SEL1L2: variants seen among roughly 807,000 people sequenced by gnomAD.
The protein encoded by SEL1L2 is SEL1L2 adaptor subunit of SYVN1 ubiquitin ligase.
A neutral mutation model predicts 98.8 loss-of-function variants in SEL1L2; 89 were observed. The ratio of observed to expected loss-of-function variants is 0.90; its 90% CI spans 0.76 to 1.07. The LOEUF is 1.07. SEL1L2 is among the 50% of genes least tolerant of loss of function. SEL1L2 has a pLI of 0.00. For synonymous variants in SEL1L2, 262 were observed against 278.5 expected, an observed-to-expected ratio of 0.94 and a Z score of 0.59; for missense variants, 788 against 812.0, an observed-to-expected ratio of 0.97 and a Z score of 0.36.
intron 5 of SEL1L2, among the ~76,000 whole-genome samples, chr20:13,899,013 A>C (rs1286251011): frequency 1.3e-5 from 2 of 152,304 alleles, no homozygotes; most frequent in East Asian, 3.9e-4. Context: ...AAGTGCTGGG[A>C]TTACAGGCAT....
Position 13,905,516 on chromosome 20 carries a change from A to C in SEL1L2, c.549+8266T>G, listed in dbSNP as rs970318275. 3.3e-5 allele frequency among the ~76,000 whole-genome samples: 5 copies of C among 152,030 alleles called. No homozygotes were observed. The East Asian group carries it at 9.7e-4, about 30-fold the overall frequency. On this transcript the variant is annotated intron_variant, in intron 5 of 19. Coordinates refer to ENST00000284951, the MANE Select transcript of SEL1L2 (RefSeq NM_025229.2). ...TTTTTAGTAGAGACAGGGTTTCACC[A>C]TGTTAGCCAGAATGGTCTCGATCTC...
intron 10 of SEL1L2, among the ~76,000 whole-genome samples, chr20:13,883,748 C>T (rs770308697): frequency 6.6e-6 from 1 of 152,246 alleles, no homozygotes; most frequent in African/African-American, 2.4e-5. Context: ...GAAGTACCAA[C>T]TTAGTGGGAT....
intron 12 of SEL1L2, among the ~76,000 whole-genome samples, chr20:13,871,452 G>A (rs369244967): frequency 6.6e-6 from 1 of 151,778 alleles, no homozygotes; most frequent in East Asian, 1.9e-4. Flanking sequence ...TTCTTTCCAT[G>A]TCCTATCACG....
intron 10 of SEL1L2, 47 bp downstream of exon 10, chr20:13,885,300 C>G (rs760539291): frequency 7.8e-7 from 1 of 1,280,878 alleles, no homozygotes; most frequent in South Asian, 1.2e-5. Context: ...GCCTCCCTCA[C>G]CACTACCTTC....
intron 11 of SEL1L2, among the ~76,000 whole-genome samples, chr20:13,877,019 T>A (rs2046464181): frequency 6.6e-6 from 1 of 152,068 alleles, no homozygotes; most frequent in Non-Finnish European, 1.5e-5. Context: ...AGACGGGGGT[T>A]TCACCATGTT....
At chr20:13,863,445 C>A (rs1486222006) in intron 17 of SEL1L2, among the ~76,000 whole-genome samples, 1 of 152,166 alleles carries the variant, frequency 6.6e-6, no homozygotes, top group African/African-American at 2.4e-5. Flanking sequence ...TTCGATTTCA[C>A]AGTCACAGGG....
chr20:13,868,134 A>C (rs1177658489), intron 14 of SEL1L2, among the ~76,000 whole-genome samples: 2 of 151,858 alleles, frequency 1.3e-5, no homozygotes, highest in African/African-American at 4.8e-5. Context: ...ACAGAAGTCA[A>C]CTTTGTACCT....
chr20:13,871,222 T>C (rs76117452), intron 12 of SEL1L2, among the ~76,000 whole-genome samples: 2,553 of 152,302 alleles, frequency 0.017, 80 homozygotes, highest in African/African-American at 0.057. Context: ...TATATTTCTT[T>C]ATTCAAATTT....
At chr20:13,904,323 G>A (rs2047820947) in intron 5 of SEL1L2, among the ~76,000 whole-genome samples, 1 of 152,170 alleles carries the variant, frequency 6.6e-6, no homozygotes, top group East Asian at 1.9e-4. Flanking sequence ...GAGGTCAGGA[G>A]TTTGAGACCA....
At chr20:13,899,326 A>C (rs567534965) in intron 5 of SEL1L2, among the ~76,000 whole-genome samples, 5 of 152,300 alleles carry the variant, frequency 3.3e-5, no homozygotes, top group African/African-American at 9.6e-5. Flanking sequence ...CATTTTGCTA[A>C]TAATTTCAAT....
intron 5 of SEL1L2, among the ~76,000 whole-genome samples, chr20:13,889,961 C>T (rs1171275023): frequency 6.6e-6 from 1 of 152,162 alleles, no homozygotes; most frequent in Non-Finnish European, 1.5e-5. Flanking sequence ...ACTGCATTCC[C>T]TCACAGGGAC....
At chr20:13,926,143 C>CCT (rs1441587712) in intron 3 of SEL1L2, among the ~76,000 whole-genome samples, 7 of 152,186 alleles carry the variant, frequency 4.6e-5, no homozygotes, top group Admixed American at 4.6e-4. Context: ...ACGGTGAAAC[C>CCT]GTCTCTCCTA....
chr20:13,979,059 AAAAAGAAAAAAGAG>A (rs1455566689), intron 1 of SEL1L2, among the ~76,000 whole-genome samples: 1 of 152,196 alleles, frequency 6.6e-6, no homozygotes, highest in East Asian at 1.9e-4. Flanking sequence ...GACTCGTCTC[AAAAAGAAAAAAGAG>A]AAAAGAAAAA....
At chr20:13,859,810 C>T (rs1472309961) in intron 17 of SEL1L2, among the ~76,000 whole-genome samples, 1 of 152,182 alleles carries the variant, frequency 6.6e-6, no homozygotes, top group Non-Finnish European at 1.5e-5. Context: ...AGCGATTCTC[C>T]TGCCTCAATC....
At chr20:13,852,725 A>G (rs1004277329) in intron 18 of SEL1L2, among the ~76,000 whole-genome samples, 1 of 152,242 alleles carries the variant, frequency 6.6e-6, no homozygotes, top group African/African-American at 2.4e-5. Context: ...GATACTGCCC[A>G]ATATTCAGAT....
At chr20:13,854,980 G>A (rs766276500) in intron 18 of SEL1L2, among the ~76,000 whole-genome samples, 1 of 149,742 alleles carries the variant, frequency 6.7e-6, no homozygotes, top group East Asian at 2.0e-4. Context: ...GAACCTGGGA[G>A]GCAGAGGTTG....
intron 1 of SEL1L2, among the ~76,000 whole-genome samples, chr20:13,985,449 C>G (rs1181254533): frequency 1.3e-5 from 2 of 152,130 alleles, no homozygotes; most frequent in African/African-American, 4.8e-5. Context: ...TATGCCATTT[C>G]CTTTGTGAAG....
intron 5 of SEL1L2, among the ~76,000 whole-genome samples, chr20:13,908,869 TC>T (rs1474047155): frequency 6.6e-6 from 1 of 152,144 alleles, no homozygotes; most frequent in African/African-American, 2.4e-5. Flanking sequence ...ATGCCTCCTT[TC>T]CTCCATCCAG....
At chr20:13,966,293 C>G (rs1487737245) in intron 1 of SEL1L2, among the ~76,000 whole-genome samples, 2 of 151,434 alleles carry the variant, frequency 1.3e-5, no homozygotes, top group African/African-American at 4.9e-5. Context: ...TCCTTCTTGC[C>G]TCTTCTTCTT....
Sources: gnomAD v4.1 joint callset for allele counts (sites outside exome capture counted in the v4.1 genomes callset) on GRCh38, gnomAD v4.1.1 for gene constraint, MANE v1.5 for transcripts, NCBI Gene and HGNC (gene_info 2026-07-23, HGNC 2026-07-21) for gene names.